The following FHIT variants were observed in gnomAD, a reference collection of about 807,000 sequenced individuals.
FHIT encodes the protein bis(5'-adenosyl)-triphosphatase.
A neutral mutation model predicts 17.9 loss-of-function variants in FHIT; 19 were observed. That is an observed-to-expected ratio of 1.06 (90% CI 0.74 to 1.56). FHIT has a LOEUF of 1.56. FHIT is among the 40% of genes most tolerant of loss of function. The pLI is 0.00. For missense variants in FHIT, 248 were observed against 189.2 expected, an observed-to-expected ratio of 1.31 and a Z score of -1.82; for synonymous variants, 81 against 69.7, an observed-to-expected ratio of 1.16 and a Z score of -0.81.
intron 5 of FHIT, among the ~76,000 whole-genome samples, chr3:60,206,628 C>T (rs542239090): frequency 5.5e-4 from 83 of 152,188 alleles, no homozygotes; most frequent in African/African-American, 2.0e-3. Context: ...AATGCAGGAC[C>T]CCTTGTATGA....
chr3:60,172,065 A>C lies in FHIT; in HGVS notation c.104-157913T>G, dbSNP rs188048607. ...GCCCCAGTTTTTACAGAATATCCAG[A>C]TTAGTAGGGGAGACAGGTATTATTC... is the stretch of plus-strand genomic sequence containing the variant. On this transcript the variant is annotated intron_variant, in intron 5 of 9. Transcript: ENST00000492590. Among the ~76,000 whole-genome samples, 162 of 152,254 alleles carry C rather than the reference A, an allele frequency of 1.1e-3. 1 individual carries two copies. The highest frequency in any genetic ancestry group is 2.0e-3 in the Non-Finnish European group (135 of 68,020).
chr3:60,577,358 C>T (rs1296598933), intron 4 of FHIT, among the ~76,000 whole-genome samples: 1 of 152,114 alleles, frequency 6.6e-6, no homozygotes, highest in African/African-American at 2.4e-5. Flanking sequence ...CATTAGGTGC[C>T]CCATGCTCTC....
chr3:60,553,517 A>AGAGAGAGAGAGAGG (rs1197511492), intron 4 of FHIT: 25 of 160,560 alleles, frequency 1.6e-4, no homozygotes, highest in African/African-American at 5.5e-4. Flanking sequence ...ATATATATAT[A>AGAGAGAGAGAGAGG]TATAGAGAGA....
At chr3:60,945,888 A>T (rs1553775674) in intron 3 of FHIT, among the ~76,000 whole-genome samples, 1 of 152,180 alleles carries the variant, frequency 6.6e-6, no homozygotes, top group Non-Finnish European at 1.5e-5. Context: ...CAGAAAGTAG[A>T]AGTATTAGGT....
At chr3:61,181,853 T>C (rs1377912322) in intron 2 of FHIT, among the ~76,000 whole-genome samples, 1 of 152,238 alleles carries the variant, frequency 6.6e-6, no homozygotes, top group Middle Eastern at 3.2e-3. Context: ...TTATTTTTCA[T>C]ACATGAAATA....
At chr3:60,569,320 G>C (rs931110169) in intron 4 of FHIT, among the ~76,000 whole-genome samples, 1 of 152,078 alleles carries the variant, frequency 6.6e-6, no homozygotes, top group African/African-American at 2.4e-5. Context: ...GGACACTGGC[G>C]TGGTTTATTT....
intron 7 of FHIT, among the ~76,000 whole-genome samples, chr3:59,968,424 T>C (rs558111051): frequency 1.3e-5 from 2 of 150,536 alleles, no homozygotes; most frequent in South Asian, 4.2e-4. Context: ...TAGTAGGCTA[T>C]CAAAACAAAA....
intron 4 of FHIT, among the ~76,000 whole-genome samples, chr3:60,584,301 C>G (rs1353421066): frequency 6.6e-6 from 1 of 151,840 alleles, no homozygotes; most frequent in African/African-American, 2.4e-5. Context: ...CTTTTTTTCC[C>G]CTCTGAGAGC....
At chr3:60,036,684 A>G (rs567485701) in intron 5 of FHIT, among the ~76,000 whole-genome samples, 5 of 152,284 alleles carry the variant, frequency 3.3e-5, no homozygotes, top group Admixed American at 2.6e-4. Flanking sequence ...AAGGGCATCC[A>G]TTTCCTTTAC....
At chr3:60,185,963 A>T (rs560830200) in intron 5 of FHIT, among the ~76,000 whole-genome samples, 53 of 152,148 alleles carry the variant, frequency 3.5e-4, no homozygotes, top group Non-Finnish European at 7.1e-4. Context: ...TGAGCTATGT[A>T]TTCAGATCTT....
At position 60,697,172 on chromosome 3, in the gene FHIT, C is replaced by T. The variant is rs58997364; in HGVS notation, c.-18+124747G>A. ...CAATTTATATAAAATTTAAAATATA[C>T]AGAACTTACAGTGATTGCAAGTACC... On this transcript the variant is annotated intron_variant, in intron 4 of 9. Transcript: ENST00000492590. 2.3e-3 allele frequency among the ~76,000 whole-genome samples: 352 copies of T among 152,050 alleles called. 3 individuals are homozygous for T. The highest frequency in any genetic ancestry group is 8.3e-3 in the African/African-American group (343 of 41,498).
intron 5 of FHIT, among the ~76,000 whole-genome samples, chr3:60,127,822 G>T (rs531032586): frequency 2.0e-4 from 30 of 152,128 alleles, no homozygotes; most frequent in African/African-American, 6.7e-4. Context: ...GTAGAGATGA[G>T]GCCTTACTAT....
chr3:60,016,754 T>G (rs960800983), intron 5 of FHIT, among the ~76,000 whole-genome samples: 1 of 152,300 alleles, frequency 6.6e-6, no homozygotes, highest in East Asian at 1.9e-4. Flanking sequence ...CCTTTTAAAG[T>G]AGAACAATTT....
At chr3:60,305,932 G>T (rs542050157) in intron 5 of FHIT, among the ~76,000 whole-genome samples, 1 of 152,234 alleles carries the variant, frequency 6.6e-6, no homozygotes. Flanking sequence ...TAATGAGACT[G>T]CATCACTTAC....
At chr3:60,789,039 C>G (rs1434206353) in intron 4 of FHIT, among the ~76,000 whole-genome samples, 2 of 150,650 alleles carry the variant, frequency 1.3e-5, no homozygotes, top group Non-Finnish European at 3.0e-5. Context: ...AAACTAAACA[C>G]AGGCAGAAAA....
At chr3:60,223,068 A>C (rs1704034722) in intron 5 of FHIT, among the ~76,000 whole-genome samples, 1 of 152,138 alleles carries the variant, frequency 6.6e-6, no homozygotes, top group African/African-American at 2.4e-5. Flanking sequence ...GTATTTTTCC[A>C]TCTACAATAG....
chr3:59,951,520 T>C (rs1707116518), intron 7 of FHIT, among the ~76,000 whole-genome samples: 1 of 152,180 alleles, frequency 6.6e-6, no homozygotes. Flanking sequence ...TGACATCAGT[T>C]TGCGATGCCT....
chr3:61,061,913 C>T (rs545175328), intron 2 of FHIT, among the ~76,000 whole-genome samples: 3 of 152,170 alleles, frequency 2.0e-5, no homozygotes, highest in African/African-American at 7.2e-5. Context: ...TTGGCATGTA[C>T]ATTTTTGCAT....
At chr3:60,990,201 G>A (rs530584363) in intron 3 of FHIT, among the ~76,000 whole-genome samples, 51 of 152,262 alleles carry the variant, frequency 3.3e-4, no homozygotes, top group African/African-American at 1.1e-3. Flanking sequence ...GTCTACATCC[G>A]AGGACCAAAG....
Sources: gnomAD v4.1 joint callset for allele counts (sites outside exome capture counted in the v4.1 genomes callset) on GRCh38, gnomAD v4.1.1 for gene constraint, MANE v1.5 for transcripts, NCBI Gene and HGNC (gene_info 2026-07-23, HGNC 2026-07-21) for gene names.